ZDHHC17: variants seen among roughly 807,000 people sequenced by gnomAD.
ZDHHC17 encodes zDHHC palmitoyltransferase 17.
Under a neutral mutation model 90.3 loss-of-function variants are expected in ZDHHC17, and 40 were observed. The ratio of observed to expected loss-of-function variants is 0.44; its 90% CI spans 0.34 to 0.58. The LOEUF is 0.58. Among genes scored for constraint, ZDHHC17 ranks in the 20% least tolerant of loss-of-function variants. ZDHHC17 has a pLI of 0.01. For missense variants in ZDHHC17, 614 were observed against 780.8 expected, an observed-to-expected ratio of 0.79 and a Z score of 2.55; for synonymous variants, 235 against 252.4, an observed-to-expected ratio of 0.93 and a Z score of 0.65.
intron 1 of ZDHHC17, among the ~76,000 whole-genome samples, chr12:76,777,389 A>G (rs1952570867): frequency 6.6e-6 from 1 of 152,202 alleles, no homozygotes; most frequent in Non-Finnish European, 1.5e-5. Flanking sequence ...GTTACTGAAT[A>G]GTATCCCACA....
chr12:76,800,992 A>G (rs760355361), intron 2 of ZDHHC17, among the ~76,000 whole-genome samples: 13 of 149,528 alleles, frequency 8.7e-5, no homozygotes, highest in African/African-American at 1.2e-4. Flanking sequence ...AGTTCAAGCA[A>G]TTCTCCTGCC....
At chr12:76,781,677 C>T (rs1487338914) in intron 1 of ZDHHC17, 3 of 456,016 alleles carry the variant, frequency 6.6e-6, no homozygotes, top group East Asian at 1.4e-4. Flanking sequence ...ACTCAGCCTT[C>T]AGAACTGTAA....
At chr12:76,782,137 G>T (rs1045378582) in intron 1 of ZDHHC17, among the ~76,000 whole-genome samples, 2 of 152,176 alleles carry the variant, frequency 1.3e-5, no homozygotes, top group African/African-American at 4.8e-5. Context: ...ATTCTTTGAA[G>T]AGTTATCAGC....
chr12:76,837,289 C>T (rs1215842223), intron 10 of ZDHHC17, among the ~76,000 whole-genome samples: 24 of 152,134 alleles, frequency 1.6e-4, no homozygotes, highest in Admixed American at 7.9e-4. Flanking sequence ...GCATGTGCCA[C>T]CACACCTGGC....
chr12:76,774,301 TATATATATACACACACACAC>T (rs1170182136), intron 1 of ZDHHC17, among the ~76,000 whole-genome samples: 1 of 151,892 alleles, frequency 6.6e-6, no homozygotes, highest in African/African-American at 2.4e-5. Context: ...TGTGTAAATA[TATATATATACACACACACAC>T]ATATATATAC....
chr12:76,771,011 G>T (rs1952485760), intron 1 of ZDHHC17, among the ~76,000 whole-genome samples: 1 of 151,510 alleles, frequency 6.6e-6, no homozygotes, highest in African/African-American at 2.4e-5. Context: ...TCACTATTAA[G>T]GTTATGTAAA....
chr12:76,838,967 G>A (rs1279565436), intron 10 of ZDHHC17, among the ~76,000 whole-genome samples: 1 of 152,142 alleles, frequency 6.6e-6, no homozygotes, highest in Non-Finnish European at 1.5e-5. Context: ...AGATCAGGGT[G>A]CCAGCAAGTT....
rs147055735 is a variant in ZDHHC17, at chr12:76,830,276, A to G, written c.1141+1786A>G. 3.3e-5 allele frequency among the ~76,000 whole-genome samples: 5 copies of G among 152,340 alleles called. No homozygotes were observed. In the East Asian group the frequency reaches 7.7e-4, roughly 23 times the overall value. Reference sequence around the variant, plus strand: ...ACCTGGTTTTGTTTCACAGCCTTGCATATCATAATATTGTATTCTTTTTAT... The same window carrying G: ...ACCTGGTTTTGTTTCACAGCCTTGCGTATCATAATATTGTATTCTTTTTAT... On this transcript the variant is annotated intron_variant, in intron 10 of 16. Transcript: ENST00000426126.
rs1324563046 is a variant in ZDHHC17 at position 76,815,748 on chromosome 12, C to T, written c.609-109C>T. On this transcript the variant is annotated intron_variant, in intron 6 of 16. Transcript: ENST00000426126. ...AGTTGTTGAGTAGGTTAGAAGTGTTCCAAAATGGAATGCTACTGTAAGCAT... is the reference window on the plus strand; with the variant it reads ...AGTTGTTGAGTAGGTTAGAAGTGTTTCAAAATGGAATGCTACTGTAAGCAT... 3.3e-6 allele frequency: 4 copies of T among 1,202,482 alleles called. No homozygotes were observed. The African/African-American group carries it at 4.7e-5, about 14-fold the overall frequency. The allele number at this position is 1,202,482 out of a possible 1,614,324, so 74.5% of individuals were successfully genotyped here.
At chr12:76,800,810 T>C (rs1952877457) in intron 2 of ZDHHC17, among the ~76,000 whole-genome samples, 1 of 152,008 alleles carries the variant, frequency 6.6e-6, no homozygotes, top group Non-Finnish European at 1.5e-5. Context: ...CAAACTGTCT[T>C]TGGGTTGGAG....
chr12:76,826,847 G>T, intron 8 of ZDHHC17, 61 bp from the exon 9 acceptor site: 1 of 1,454,510 alleles, frequency 6.9e-7, no homozygotes, highest in African/African-American at 1.5e-5. Flanking sequence ...AGGTAACAAT[G>T]ATTCAGATTG....
intron 1 of ZDHHC17, among the ~76,000 whole-genome samples, chr12:76,774,992 A>AT (rs1286628276): frequency 2.6e-5 from 4 of 151,870 alleles, no homozygotes; most frequent in East Asian, 3.9e-4. Flanking sequence ...TGCCTGATTA[A>AT]TTTTTTTTAT....
At chr12:76,808,953 A>G (rs1188723795) in intron 3 of ZDHHC17, 90 bp from the exon 4 acceptor site, 1 of 744,388 alleles carries the variant, frequency 1.3e-6, no homozygotes, top group South Asian at 3.8e-5. Context: ...TGAGATCTGA[A>G]ATAGAAAACA....
chr12:76,812,432 C>G (rs1257233196), intron 5 of ZDHHC17, among the ~76,000 whole-genome samples: 1 of 152,116 alleles, frequency 6.6e-6, no homozygotes, highest in East Asian at 1.9e-4. Flanking sequence ...TTCTCTCTCT[C>G]TCTTCAGTCA....
At chr12:76,780,314 T>G (rs1453892361) in intron 1 of ZDHHC17, among the ~76,000 whole-genome samples, 1 of 152,138 alleles carries the variant, frequency 6.6e-6, no homozygotes, top group African/African-American at 2.4e-5. Flanking sequence ...TTATTGGTGT[T>G]TTGTAGTTTC....
At chr12:76,800,186 A>G (rs188390418) in intron 2 of ZDHHC17, among the ~76,000 whole-genome samples, 11 of 152,334 alleles carry the variant, frequency 7.2e-5, no homozygotes, top group Admixed American at 4.6e-4. Context: ...CAGAAACTAG[A>G]CAGACAAAAC....
intron 2 of ZDHHC17, among the ~76,000 whole-genome samples, chr12:76,799,072 G>C (rs548456656): frequency 4.6e-5 from 7 of 152,196 alleles, no homozygotes; most frequent in African/African-American, 1.7e-4. Context: ...GAGAATTCGA[G>C]GCTGCAGTGA....
At chr12:76,811,622 TC>T (rs768315708) in intron 5 of ZDHHC17, among the ~76,000 whole-genome samples, 6 of 152,052 alleles carry the variant, frequency 3.9e-5, no homozygotes, top group Non-Finnish European at 5.9e-5. Flanking sequence ...GTTTTTTTTT[TC>T]CATGAGTAAA....
Position 76,805,326 on chromosome 12 carries a change from A to G in ZDHHC17, c.207A>G (p.Ile69Met). The part of the protein sequence containing the change: ...WDIVKATQYG[I>M]YERCRELVEA... ...TTTCTTTCTTTTCTAGATATGGAAT[A>G]TATGAACGCTGTCGAGAATTGGTGG... is the stretch of plus-strand genomic sequence containing the variant. The change falls in exon 3 of 17, where the codon ATA (isoleucine) becomes ATG (methionine). Residue 69 changes from isoleucine (I) to methionine (M), a missense_variant. Coordinates refer to ENST00000426126, the MANE Select transcript of ZDHHC17 (RefSeq NM_015336.4). The G allele has an allele frequency of 6.3e-7, 1 of 1,598,588 alleles. No individual in the cohort carries two copies. The highest frequency in any genetic ancestry group is 8.5e-7 in the Non-Finnish European group (1 of 1,171,132).
Sources: allele counts gnomAD v4.1 joint callset (sites outside exome capture counted in the v4.1 genomes callset), GRCh38; gene constraint gnomAD v4.1.1; transcripts MANE v1.5; gene names NCBI Gene and HGNC (gene_info 2026-07-23, HGNC 2026-07-21).